Variants in CHUK observed in about 807,000 individuals in gnomAD.
CHUK encodes inhibitor of nuclear factor kappa-B kinase subunit alpha.
Under a neutral mutation model 104.8 loss-of-function variants are expected in CHUK, and 35 were observed. The observed-to-expected ratio is 0.33, with a 90% CI of 0.26 to 0.44. The LOEUF is 0.44. Ranked by LOEUF, CHUK falls within the 20% of genes least tolerant of loss-of-function variation. The probability of loss-of-function intolerance (pLI) is 1.00; values close to 1 mark genes in which losing one functional copy is unlikely to be tolerated. For missense variants in CHUK, 663 were observed against 902.7 expected (o/e 0.73, Z 3.40); for synonymous variants, 276 against 291.9 (o/e 0.95, Z 0.56).
intron 11 of CHUK, 36 bp from the exon 12 acceptor site, chr10:100,205,235 G>T: frequency 6.2e-7 from 1 of 1,610,312 alleles, no homozygotes; most frequent in Non-Finnish European, 8.5e-7. Context: ...GGCAAGGGAG[G>T]TTAGTTACTT....
At chr10:100,192,504 G>T in intron 19 of CHUK, 1 of 619,308 alleles carries the variant, frequency 1.6e-6, no homozygotes, top group African/African-American at 2.0e-5. Flanking sequence ...TCTCATAAAA[G>T]TAGAGTACAG....
At chr10:100,211,946 T>C (rs1336342714) in intron 9 of CHUK, among the ~76,000 whole-genome samples, 1 of 151,908 alleles carries the variant, frequency 6.6e-6, no homozygotes, top group Non-Finnish European at 1.5e-5. Flanking sequence ...AGTGGCATGA[T>C]CTCTCAGCTC....
chr10:100,197,511 CAG>C (rs150542507), intron 16 of CHUK, among the ~76,000 whole-genome samples: 1,542 of 152,214 alleles, frequency 0.01, 27 homozygotes, highest in African/African-American at 0.036. Context: ...AGGAATTAAA[CAG>C]AAATTTAAAA....
At position 100,191,067 on chromosome 10, in the gene CHUK, C is replaced by G; in HGVS notation, c.2109-99G>C. On this transcript the variant is annotated intron_variant, in intron 19 of 20. Coordinates refer to ENST00000370397, the MANE Select transcript of CHUK (RefSeq NM_001278.5). ...CTAGGTTAGCAAGATCACTAGCCTTCCTGTAACCCAGTACCCCAGTGCAGT... is the reference window on the plus strand; with the variant it reads ...CTAGGTTAGCAAGATCACTAGCCTTGCTGTAACCCAGTACCCCAGTGCAGT... 5.0e-6 allele frequency: 4 copies of G among 793,578 alleles called. No homozygotes were observed. In the South Asian group the frequency reaches 5.4e-5, roughly 11 times the overall value. The allele number at this position is 793,578 out of a possible 1,614,324, so 49.2% of individuals were successfully genotyped here.
chr10:100,210,087 A>T (rs370231931), intron 9 of CHUK, among the ~76,000 whole-genome samples: 3,306 of 129,254 alleles, frequency 0.026, 54 homozygotes, highest in African/African-American at 0.065. Flanking sequence ...TTATTTATTT[A>T]TTTATTTTTT....
intron 2 of CHUK, among the ~76,000 whole-genome samples, chr10:100,224,301 G>A (rs572828831): frequency 1.7e-4 from 26 of 152,238 alleles, no homozygotes; most frequent in South Asian, 4.1e-4. Context: ...CTGCAGCTCC[G>A]ACCAATATCC....
intron 16 of CHUK, chr10:100,195,716 G>A (rs1228768022): frequency 1.3e-5 from 2 of 152,292 alleles, no homozygotes; most frequent in South Asian, 4.1e-4. Flanking sequence ...AGACAATAGA[G>A]GCCACAAATC....
intron 10 of CHUK, among the ~76,000 whole-genome samples, chr10:100,208,998 C>T (rs1845658232): frequency 6.6e-6 from 1 of 152,132 alleles, no homozygotes; most frequent in Non-Finnish European, 1.5e-5. Flanking sequence ...TGAAGGAACT[C>T]CTTAAACCTC....
At chr10:100,194,675 T>A in intron 16 of CHUK, 154 bp from the exon 17 acceptor site, 1 of 560,916 alleles carries the variant, frequency 1.8e-6, no homozygotes, top group Non-Finnish European at 3.2e-6. Context: ...ATAAAAGATA[T>A]AAAGATTACC....
rs927829977 is a variant in CHUK, at chr10:100,194,235, T to A, written c.1827-104A>T. 3.5e-5 allele frequency: 46 copies of A among 1,330,886 alleles called. No homozygotes were observed. The Admixed American group carries it at 8.2e-4, about 24-fold the overall frequency. The allele number at this position is 1,330,886 out of a possible 1,614,324, so 82.4% of individuals were successfully genotyped here. On this transcript the variant is annotated intron_variant, in intron 17 of 20. Transcript: ENST00000370397. Reference sequence around the variant, plus strand: ...AATGAACCACAATCAGCATCAGATTTAATGACTTATCTCCAAAGTAATGCA... The same window carrying A: ...AATGAACCACAATCAGCATCAGATTAAATGACTTATCTCCAAAGTAATGCA...
chr10:100,206,326 G>C (rs1487004324), intron 11 of CHUK, among the ~76,000 whole-genome samples: 1 of 151,902 alleles, frequency 6.6e-6, no homozygotes, highest in Non-Finnish European at 1.5e-5. Flanking sequence ...TGCCCAGGCT[G>C]AAGTGCAGTG....
At chr10:100,203,752 A>C (rs1400343520) in intron 13 of CHUK, among the ~76,000 whole-genome samples, 1 of 152,180 alleles carries the variant, frequency 6.6e-6, no homozygotes, top group East Asian at 1.9e-4. Context: ...TACACTAAAA[A>C]ATAGTAGGAC....
intron 16 of CHUK, 113 bp from the exon 17 acceptor site, chr10:100,194,634 C>T: frequency 1.5e-6 from 1 of 661,968 alleles, no homozygotes. Context: ...AATTAATAAA[C>T]ATCTCCATTT....
At chr10:100,215,344 C>T (rs1331101394) in intron 9 of CHUK, among the ~76,000 whole-genome samples, 1 of 151,792 alleles carries the variant, frequency 6.6e-6, no homozygotes, top group East Asian at 1.9e-4. Context: ...AGTTATAAGT[C>T]CTTGGCAGAA....
intron 12 of CHUK, 62 bp from the exon 13 acceptor site, chr10:100,204,719 G>A (rs1845551036): frequency 2.2e-6 from 3 of 1,359,388 alleles, no homozygotes; most frequent in Non-Finnish European, 3.1e-6. Flanking sequence ...CAGAAACATT[G>A]AACAATAATG....
In CHUK at chr10:100,229,461, G is replaced by A; in HGVS notation, c.72C>T (p.Gly24=). Residue 24 remains glycine, a synonymous_variant, in exon 1 of 21, where the codon GGC becomes GGT. Transcript: ENST00000370397. ...PWEMRERLGT[G]GFGNVCLYQH... is the part of the protein sequence containing the mutation. ...GGTACAGACAGACGTTCCCGAAGCCGCCGGTGCCCAGCCGCTCCCGCATCT... is the reference window on the plus strand; with the variant it reads ...GGTACAGACAGACGTTCCCGAAGCCACCGGTGCCCAGCCGCTCCCGCATCT... The A allele has an allele frequency of 6.3e-7, 1 of 1,599,806 alleles. No homozygotes were observed. The highest frequency in any genetic ancestry group is 1.3e-5 in the African/African-American group (1 of 74,834).
chr10:100,203,867 G>T (rs770636576), intron 13 of CHUK, among the ~76,000 whole-genome samples: 36 of 152,060 alleles, frequency 2.4e-4, no homozygotes, highest in Non-Finnish European at 4.4e-4. Context: ...AGTCCATTTG[G>T]ACTACTATAA....
At position 100,189,456 on chromosome 10, in the gene CHUK, T is replaced by G. The variant is rs772887578; in HGVS notation, c.*142A>C. The G allele has an allele frequency of 3.9e-5, 28 of 723,312 alleles. No homozygotes were observed. Among genetic ancestry groups the G allele is most frequent in the Non-Finnish European group, 5.1e-6 (2 of 393,720 alleles). The allele number at this position is 723,312 out of a possible 1,614,324, so 44.8% of individuals were successfully genotyped here. ...TACTTGTAAAATCATGTTCTTCTGATCATAGTAGAAATGTAGTTTCTGTTC... is the reference window on the plus strand; with the variant it reads ...TACTTGTAAAATCATGTTCTTCTGAGCATAGTAGAAATGTAGTTTCTGTTC... On this transcript the variant is annotated 3_prime_UTR_variant, in exon 21 of 21. Coordinates refer to ENST00000370397, the MANE Select transcript of CHUK (RefSeq NM_001278.5).
At chr10:100,201,553 G>A (rs1845462407) in intron 14 of CHUK, among the ~76,000 whole-genome samples, 1 of 152,112 alleles carries the variant, frequency 6.6e-6, no homozygotes, top group Non-Finnish European at 1.5e-5. Flanking sequence ...AAAAGAAATT[G>A]TCCCTATAAT....
Sources: allele counts gnomAD v4.1 joint callset (sites outside exome capture counted in the v4.1 genomes callset), GRCh38; gene constraint gnomAD v4.1.1; transcripts MANE v1.5; gene names NCBI Gene and HGNC (gene_info 2026-07-23, HGNC 2026-07-21).